PCDH15: variants seen among roughly 807,000 people sequenced by gnomAD.
PCDH15 encodes the protein protocadherin related 15, also known as protocadherin-15.
Under a neutral mutation model 178.5 loss-of-function variants are expected in PCDH15, and 129 were observed. That is an observed-to-expected ratio of 0.72 (90% confidence interval 0.63 to 0.84). PCDH15 has a LOEUF of 0.84. PCDH15 is among the 40% of genes least tolerant of loss of function. The probability of loss-of-function intolerance (pLI) is 0.00; values close to 1 mark genes in which losing one functional copy is unlikely to be tolerated. For synonymous variants in PCDH15, 800 were observed against 732.0 expected (o/e 1.09, Z -1.50); for missense variants, 2,230 against 2,099.9 (o/e 1.06, Z -1.21).
intron 18 of PCDH15, among the ~76,000 whole-genome samples, chr10:54,051,517 C>T (rs1249914172): frequency 2.0e-5 from 3 of 152,106 alleles, no homozygotes; most frequent in African/African-American, 4.8e-5. Flanking sequence ...AAGCATTTTG[C>T]CCCTACCCCA....
At position 54,317,425 on chromosome 10, in the gene PCDH15, A is replaced by C; in HGVS notation, c.722T>G (p.Leu241Arg). 3 of 1,613,886 alleles carry C rather than the reference A, an allele frequency of 1.9e-6. No individual in the cohort carries two copies. The highest frequency in any genetic ancestry group is 2.5e-6 in the Non-Finnish European group (3 of 1,179,880). ...IIQANDRAQN[L>R]NERRTTTTTL... ...GGTGGTGGTGGTTCGCCTCTCATTC[A>C]GATTTTGGGCACGGTCCTGTTAGGG... The change falls in exon 8 of 38, where the codon CTG (leucine) becomes CGG (arginine). Residue 241 changes from leucine (L) to arginine (R), a missense_variant. Physicochemically the swap from Leu to Arg is moderately radical, Grantham distance 102. Transcript: ENST00000644397.
At chr10:55,149,663 G>A (rs919481278) in intron 2 of PCDH15, among the ~76,000 whole-genome samples, 5 of 146,850 alleles carry the variant, frequency 3.4e-5, no homozygotes, top group African/African-American at 1.0e-4. Context: ...TTCTTGAGTC[G>A]TTTTCAGGTT....
intron 14 of PCDH15, among the ~76,000 whole-genome samples, chr10:54,147,611 A>G (rs1426742024): frequency 6.6e-6 from 1 of 151,938 alleles, no homozygotes; most frequent in Non-Finnish European, 1.5e-5. Flanking sequence ...AGATTTATTT[A>G]GCACAACACA....
intron 2 of PCDH15, among the ~76,000 whole-genome samples, chr10:54,662,638 C>T (rs2094508693): frequency 6.6e-6 from 1 of 151,984 alleles, no homozygotes. Flanking sequence ...ACAGGTTAAA[C>T]CAGAAGTGAT....
intron 1 of PCDH15, among the ~76,000 whole-genome samples, chr10:55,256,311 G>C (rs553878208): frequency 6.6e-6 from 1 of 152,136 alleles, no homozygotes. Flanking sequence ...GGCAGAAGAC[G>C]GGTGATTTCT....
At chr10:54,395,131 A>G (rs1354312228) in intron 3 of PCDH15, among the ~76,000 whole-genome samples, 4 of 152,184 alleles carry the variant, frequency 2.6e-5, no homozygotes, top group Non-Finnish European at 5.9e-5. Flanking sequence ...AAGAGATTAA[A>G]GTAAAGACAG....
chr10:54,468,964 G>C (rs1195863862), intron 3 of PCDH15, among the ~76,000 whole-genome samples: 1 of 151,956 alleles, frequency 6.6e-6, no homozygotes, highest in African/African-American at 2.4e-5. Context: ...AGCTACTCCT[G>C]CTCATTTTTT....
chr10:55,002,748 T>G (rs946458731), intron 2 of PCDH15, among the ~76,000 whole-genome samples: 5 of 152,148 alleles, frequency 3.3e-5, no homozygotes, highest in Non-Finnish European at 7.3e-5. Context: ...ATGGAAGAAG[T>G]GGGCATGTGA....
chr10:54,124,704 GA>G (rs1446769361), intron 15 of PCDH15, among the ~76,000 whole-genome samples: 1 of 152,140 alleles, frequency 6.6e-6, no homozygotes, highest in Admixed American at 6.5e-5. Flanking sequence ...CACTGTACCT[GA>G]ACCAGCTGTG....
intron 1 of PCDH15, among the ~76,000 whole-genome samples, chr10:55,309,739 C>A (rs1401941752): frequency 6.6e-6 from 1 of 152,140 alleles, no homozygotes; most frequent in African/African-American, 2.4e-5. Context: ...CCAACAAATT[C>A]TGTGTGCACC....
At chr10:54,082,095 T>C (rs1028049273) in intron 16 of PCDH15, among the ~76,000 whole-genome samples, 1 of 152,170 alleles carries the variant, frequency 6.6e-6, no homozygotes, top group African/African-American at 2.4e-5. Context: ...ACATTCCCAG[T>C]GTGACACTAT....
intron 1 of PCDH15, among the ~76,000 whole-genome samples, chr10:55,314,978 T>C (rs900038508): frequency 6.6e-6 from 1 of 152,152 alleles, no homozygotes; most frequent in Non-Finnish European, 1.5e-5. Context: ...TGATTCATAA[T>C]GATACGTGTT....
chr10:54,778,461 T>C (rs1949941128), intron 1 of PCDH15, among the ~76,000 whole-genome samples: 2 of 152,182 alleles, frequency 1.3e-5, no homozygotes, highest in Non-Finnish European at 2.9e-5. Flanking sequence ...TTTTCTGCTA[T>C]ACAGAAGCAC....
chr10:54,437,518 C>T (rs1261625044), intron 3 of PCDH15, among the ~76,000 whole-genome samples: 1 of 152,124 alleles, frequency 6.6e-6, no homozygotes, highest in African/African-American at 2.4e-5. Flanking sequence ...CAAATTTTAA[C>T]CACAGAGCTT....
chr10:55,472,649 A>AG (rs1206328835), intron 2 of PCDH15, among the ~76,000 whole-genome samples: 11 of 152,270 alleles, frequency 7.2e-5, no homozygotes, highest in African/African-American at 2.6e-4. Flanking sequence ...GCTAACTGCA[A>AG]GCTCCACCTA....
intron 2 of PCDH15, among the ~76,000 whole-genome samples, chr10:55,411,711 G>A (rs1450399123): frequency 6.6e-6 from 1 of 152,072 alleles, no homozygotes; most frequent in Non-Finnish European, 1.5e-5. Context: ...TATCCACTGT[G>A]TAAGTCAGAT....
At chr10:54,556,688 AG>A (rs1480372403) in intron 2 of PCDH15, among the ~76,000 whole-genome samples, 1 of 141,946 alleles carries the variant, frequency 7.0e-6, no homozygotes, top group Non-Finnish European at 1.5e-5. Context: ...CAGGTTAATT[AG>A]GAAAGTAAAG....
chr10:55,593,471 A>G (rs1189837416), intron 2 of PCDH15, among the ~76,000 whole-genome samples: 8 of 151,954 alleles, frequency 5.3e-5, no homozygotes, highest in Admixed American at 6.6e-5. Flanking sequence ...CCGAGAAGAT[A>G]AAGACGAATT....
At chr10:54,502,564 T>TCTA (rs1394138698) in intron 3 of PCDH15, among the ~76,000 whole-genome samples, 1 of 152,108 alleles carries the variant, frequency 6.6e-6, no homozygotes, top group Non-Finnish European at 1.5e-5. Flanking sequence ...TTTGTTGTGT[T>TCTA]CTACACTGTG....
Sources: gnomAD v4.1 joint callset for allele counts (sites outside exome capture counted in the v4.1 genomes callset) on GRCh38, gnomAD v4.1.1 for gene constraint, MANE v1.5 for transcripts, NCBI Gene and HGNC (gene_info 2026-07-23, HGNC 2026-07-21) for gene names.